Variants in SYT16 observed in about 807,000 individuals in gnomAD.
SYT16 encodes synaptotagmin-16.
In SYT16, 42 loss-of-function variants were observed where a neutral mutation model predicts 61.4. That is an observed-to-expected ratio of 0.68 (90% CI 0.53 to 0.89). The LOEUF (loss-of-function observed/expected upper bound fraction) is 0.89. Ranked by LOEUF, SYT16 falls within the 40% of genes least tolerant of loss-of-function variation. SYT16 has a pLI of 0.00. For missense variants in SYT16, 804 were observed against 807.3 expected (o/e 1.00, Z 0.05); for synonymous variants, 314 against 302.3 (o/e 1.04, Z -0.40).
At chr14:61,928,252 T>C (rs1303196512) in intron 1 of SYT16, among the ~76,000 whole-genome samples, 1 of 152,130 alleles carries the variant, frequency 6.6e-6, no homozygotes, top group African/African-American at 2.4e-5. Context: ...TGACTGGAGC[T>C]GCAGTGGAAT....
intron 4 of SYT16, among the ~76,000 whole-genome samples, chr14:62,071,886 G>A (rs774543614): frequency 1.6e-4 from 25 of 152,286 alleles, no homozygotes; most frequent in Non-Finnish European, 3.5e-4. Context: ...TTGGTAGGTT[G>A]TCTCATATTT....
intron 3 of SYT16, among the ~76,000 whole-genome samples, chr14:62,012,654 A>G (rs2053516371): frequency 6.6e-6 from 1 of 152,184 alleles, no homozygotes; most frequent in Non-Finnish European, 1.5e-5. Context: ...TAAATAGAGA[A>G]ATTGCACAAA....
chr14:62,061,927 C>T (rs2055845147), intron 3 of SYT16, among the ~76,000 whole-genome samples: 1 of 151,354 alleles, frequency 6.6e-6, no homozygotes, highest in South Asian at 2.1e-4. Flanking sequence ...CTCACCATGC[C>T]TTCAAATAGT....
At chr14:61,938,064 G>A (rs1263539267) in intron 1 of SYT16, among the ~76,000 whole-genome samples, 2 of 33,400 alleles carry the variant, frequency 6.0e-5, no homozygotes, top group African/African-American at 2.2e-4. Context: ...CACACAGAGT[G>A]TTTCAGACAG....
Position 61,906,738 on chromosome 14 carries a change from CA to C in SYT16, c.-324-63393del, listed in dbSNP as rs60266045. 9.2e-5 allele frequency among the ~76,000 whole-genome samples: 11 copies of C among 119,952 alleles called. No individual in the cohort carries two copies. In the South Asian group the frequency reaches 1.3e-3, roughly 14 times the overall value. 78.7% of individuals were successfully genotyped at this position (119,952 alleles called of 152,430 possible). A position where few individuals can be genotyped will look rare whatever the true frequency, so the allele number is the denominator to read the frequency against. On this transcript the variant is annotated intron_variant, in intron 1 of 7. Coordinates refer to ENST00000683842, the MANE Select transcript of SYT16 (RefSeq NM_001367656.1). ...CCATCCATCCATCCATCCATCCATC[CA>C]TCCATCCATCCTTCCGTCCGTCCGT... is the stretch of plus-strand genomic sequence containing the variant.
At chr14:61,918,677 T>C (rs1409177044) in intron 1 of SYT16, among the ~76,000 whole-genome samples, 2 of 152,112 alleles carry the variant, frequency 1.3e-5, no homozygotes, top group Admixed American at 1.3e-4. Context: ...AATATTAATA[T>C]AACATTCTCA....
chr14:62,052,618 A>G (rs1408950119), intron 3 of SYT16, among the ~76,000 whole-genome samples: 2 of 152,190 alleles, frequency 1.3e-5, no homozygotes, highest in Non-Finnish European at 2.9e-5. Flanking sequence ...TACATCCCCA[A>G]AAAACACTCA....
intron 3 of SYT16, among the ~76,000 whole-genome samples, chr14:62,027,398 T>A (rs544902636): frequency 6.6e-6 from 1 of 152,302 alleles, no homozygotes; most frequent in East Asian, 1.9e-4. Context: ...CCTCAGTTTC[T>A]GGTTGGTAGC....
At chr14:62,065,778 C>G (rs1343627949) in intron 3 of SYT16, among the ~76,000 whole-genome samples, 1 of 152,166 alleles carries the variant, frequency 6.6e-6, no homozygotes, top group South Asian at 2.1e-4. Context: ...GATTTTGTTC[C>G]TGTTGTCCCT....
rs777068453 is a variant in SYT16 at position 62,081,058 on chromosome 14, A to C, written c.1218A>C (p.Ile406=). 2.4e-5 allele frequency: 39 copies of C among 1,613,618 alleles called. No homozygotes were observed. Among genetic ancestry groups the C allele is most frequent in the Non-Finnish European group, 3.2e-5 (38 of 1,179,778 alleles). The part of the protein sequence containing the change: ...PGKKHRGRTN[I]QRGPNPVFRE... The stretch of plus-strand genomic sequence containing the variant: ...AGAAACACAGGGGCAGGACGAACAT[A>C]CAGAGAGGGCCCAACCCCGTCTTCA... The change falls in exon 6 of 8, where the codon ATA becomes ATC. Residue 406 remains isoleucine (I), a synonymous_variant. Coordinates refer to ENST00000683842, the MANE Select transcript of SYT16 (RefSeq NM_001367656.1).
rs1014294403 is a variant in SYT16, at chr14:62,101,252, T to C, written c.*545T>C. 10 of 152,520 alleles carry C rather than the reference T, an allele frequency of 6.6e-5. No homozygotes were observed. The allele number at this position is 152,520 out of a possible 1,614,324, so 9.4% of individuals were successfully genotyped here. ...AACCTATTTACCTAACGAGTAAATA[T>C]TATAAACTTGCACTTTTAAAATAAA... On this transcript the variant is annotated 3_prime_UTR_variant, in exon 8 of 8. Transcript: ENST00000683842.
At chr14:61,823,712 A>T (rs2045688845) in intron 1 of SYT16, among the ~76,000 whole-genome samples, 1 of 152,138 alleles carries the variant, frequency 6.6e-6, no homozygotes, top group Non-Finnish European at 1.5e-5. Context: ...AGATGGCGCC[A>T]CTGCGCTCCA....
chr14:61,816,783 G>A (rs575917793), intron 1 of SYT16, among the ~76,000 whole-genome samples: 89 of 151,896 alleles, frequency 5.9e-4, no homozygotes, highest in Non-Finnish European at 1.2e-3. Context: ...AGGCCGAGGC[G>A]GACGGATCAC....
At chr14:62,005,574 C>T (rs2053189203) in intron 3 of SYT16, among the ~76,000 whole-genome samples, 1 of 152,132 alleles carries the variant, frequency 6.6e-6, no homozygotes, top group African/African-American at 2.4e-5. Flanking sequence ...AGTCCTTAAA[C>T]AGCATTATGA....
intron 2 of SYT16, among the ~76,000 whole-genome samples, chr14:61,989,366 C>T (rs1566742025): frequency 6.6e-6 from 1 of 152,020 alleles, no homozygotes; most frequent in Non-Finnish European, 1.5e-5. Context: ...AGTTTGAGAC[C>T]AGCCTGGCCA....
At chr14:62,005,902 T>C (rs1045875716) in intron 3 of SYT16, among the ~76,000 whole-genome samples, 2 of 152,102 alleles carry the variant, frequency 1.3e-5, no homozygotes, top group African/African-American at 4.8e-5. Flanking sequence ...GTGGTGGCAG[T>C]GGGAATTGGG....
At chr14:62,023,106 C>G (rs765136574) in intron 3 of SYT16, among the ~76,000 whole-genome samples, 6 of 152,096 alleles carry the variant, frequency 3.9e-5, no homozygotes, top group Non-Finnish European at 7.4e-5. Context: ...TTGTGACTTA[C>G]TGCCAAACAT....
At chr14:61,851,036 G>A (rs921293008) in intron 1 of SYT16, among the ~76,000 whole-genome samples, 1 of 152,066 alleles carries the variant, frequency 6.6e-6, no homozygotes, top group Non-Finnish European at 1.5e-5. Context: ...TCCATTAGCT[G>A]TTCTTCCTGA....
At chr14:61,978,121 G>T (rs1372071528) in intron 2 of SYT16, among the ~76,000 whole-genome samples, 1 of 152,086 alleles carries the variant, frequency 6.6e-6, no homozygotes, top group Non-Finnish European at 1.5e-5. Context: ...TTCTTCATTT[G>T]ATTACATCTG....
Sources: gnomAD v4.1 joint callset for allele counts (sites outside exome capture counted in the v4.1 genomes callset) on GRCh38, gnomAD v4.1.1 for gene constraint, MANE v1.5 for transcripts, NCBI Gene and HGNC (gene_info 2026-07-23, HGNC 2026-07-21) for gene names.